The following EIF2S2 variants were observed in gnomAD, a reference collection of about 807,000 sequenced individuals.
EIF2S2 encodes the protein eukaryotic translation initiation factor 2 subunit 2.
Under a neutral mutation model 44.0 loss-of-function variants are expected in EIF2S2, and 4 were observed. That is an observed-to-expected ratio of 0.09 (90% CI 0.04 to 0.21). The LOEUF (loss-of-function observed/expected upper bound fraction) is 0.21, where lower values mean the gene tolerates loss of function less well. EIF2S2 is among the 10% of genes least tolerant of loss of function. The probability of loss-of-function intolerance (pLI) is 1.00; values close to 1 mark genes in which losing one functional copy is unlikely to be tolerated. For missense variants in EIF2S2, 154 were observed against 392.0 expected (o/e 0.39, Z 5.13); for synonymous variants, 108 against 128.3 (o/e 0.84, Z 1.07).
intron 7 of EIF2S2, among the ~76,000 whole-genome samples, chr20:34,091,663 A>G (rs1447133672): frequency 2.7e-5 from 4 of 149,852 alleles, no homozygotes; most frequent in Non-Finnish European, 5.9e-5. Flanking sequence ...GGTTGCAGTG[A>G]GCCAAGATCC....
chr20:34,093,155 G>A (rs938699939), intron 7 of EIF2S2, among the ~76,000 whole-genome samples: 1 of 152,118 alleles, frequency 6.6e-6, no homozygotes, highest in East Asian at 1.9e-4. Context: ...CATTGGCATG[G>A]GGTCCATGAG....
Position 34,105,421 on chromosome 20 carries a change from T to C in EIF2S2, c.140A>G (p.Glu47Gly). 6.2e-7 allele frequency: 1 copy of C among 1,614,098 alleles called. No homozygotes were observed. Among genetic ancestry groups the C allele is most frequent in the Non-Finnish European group, 8.5e-7 (1 of 1,179,936 alleles). ...TTCCAAATCCTTGTCCTCAGTTGGC[T>C]CTGGCTCCACTTCTTTTGTTTCTGA... ...QPSETKEVEP[E>G]PTEDKDLEAD... The change falls in exon 2 of 9, where the codon GAG becomes GGG. Residue 47 changes from glutamate (E) to glycine (G), a missense_variant. Physicochemically the swap from Glu to Gly is moderately conservative, Grantham distance 98. Coordinates refer to ENST00000374980, the MANE Select transcript of EIF2S2 (RefSeq NM_003908.5).
At chr20:34,092,065 A>G (rs1025890412) in intron 7 of EIF2S2, among the ~76,000 whole-genome samples, 1 of 152,242 alleles carries the variant, frequency 6.6e-6, no homozygotes, top group African/African-American at 2.4e-5. Context: ...TATAAATCAT[A>G]AAGTGAAACA....
intron 7 of EIF2S2, among the ~76,000 whole-genome samples, chr20:34,092,046 A>T (rs748477692): frequency 6.6e-5 from 10 of 152,210 alleles, no homozygotes; most frequent in Non-Finnish European, 1.5e-4. Flanking sequence ...ATTATCATTC[A>T]TTCAAAATTA....
At chr20:34,090,778 A>T (rs989545412) in intron 7 of EIF2S2, among the ~76,000 whole-genome samples, 176 bp from the exon 8 acceptor site, 1 of 152,110 alleles carries the variant, frequency 6.6e-6, no homozygotes, top group Middle Eastern at 3.2e-3. Context: ...ACAGGGTCTC[A>T]CACTCTGTCG....
At chr20:34,090,892 G>C (rs1393077897) in intron 7 of EIF2S2, among the ~76,000 whole-genome samples, 3 of 151,970 alleles carry the variant, frequency 2.0e-5, no homozygotes, top group Non-Finnish European at 4.4e-5. Context: ...AGGACTACAG[G>C]CACTCCCCAC....
Position 34,112,119 on chromosome 20 carries a change from C to T in EIF2S2, c.-9G>A. The T allele has an allele frequency of 6.4e-7, 1 of 1,552,356 alleles. No homozygotes were observed. The highest frequency in any genetic ancestry group is 8.7e-7 in the Non-Finnish European group (1 of 1,147,338). ...ACCTCGTCCCCAGACATGGCTGCGG[C>T]TCGAGTGGGCTCGGCACGGACGGGA... On this transcript the variant is annotated 5_prime_UTR_variant, in exon 1 of 9. Transcript: ENST00000374980.
intron 6 of EIF2S2, 95 bp downstream of exon 6, chr20:34,096,562 T>C: frequency 7.8e-7 from 1 of 1,285,474 alleles, no homozygotes; most frequent in Non-Finnish European, 1.1e-6. Context: ...GTTCTTTCCA[T>C]CTATAATAAA....
chr20:34,090,050 C>G (rs574699969), intron 8 of EIF2S2, 145 bp from the exon 9 acceptor site: 7 of 826,104 alleles, frequency 8.5e-6, no homozygotes, highest in Non-Finnish European at 1.3e-5. Flanking sequence ...CGCAGCTATT[C>G]GAGGGGTAAG....
At position 34,112,184 on chromosome 20, in the gene EIF2S2, C is replaced by A. The variant is rs972520236; in HGVS notation, c.-74G>T. On this transcript the variant is annotated 5_prime_UTR_variant, in exon 1 of 9. Transcript: ENST00000374980. Reference sequence around the variant, plus strand: ...GCCCCAGGCCCCGGCGGCAGCGCTGCCCCTGCCGATACCTCTCCCACCACC... The same window carrying A: ...GCCCCAGGCCCCGGCGGCAGCGCTGACCCTGCCGATACCTCTCCCACCACC... The A allele has an allele frequency of 8.2e-6, 12 of 1,461,306 alleles. No individual in the cohort carries two copies. The highest frequency in any genetic ancestry group is 2.6e-5 in the East Asian group (1 of 37,904). 90.5% of individuals were successfully genotyped at this position (1,461,306 alleles called of 1,614,324 possible).
chr20:34,097,654 A>G, intron 4 of EIF2S2, 138 bp from the exon 5 acceptor site: 1 of 647,306 alleles, frequency 1.5e-6, no homozygotes, highest in Non-Finnish European at 2.6e-6. Context: ...CTTAAGCATA[A>G]AGAAACCAAA....
chr20:34,091,591 G>A (rs1015172307), intron 7 of EIF2S2, among the ~76,000 whole-genome samples: 3 of 151,740 alleles, frequency 2.0e-5, no homozygotes, highest in South Asian at 2.1e-4. Context: ...GGTGGTGGGC[G>A]CCTATAGTCC....
At chr20:34,090,008 G>T in intron 8 of EIF2S2, 103 bp from the exon 9 acceptor site, 1 of 1,314,522 alleles carries the variant, frequency 7.6e-7, no homozygotes, top group Non-Finnish European at 1.1e-6. Context: ...AGCCCAGGCT[G>T]AGAATTTAGC....
intron 3 of EIF2S2, among the ~76,000 whole-genome samples, chr20:34,101,295 T>C (rs988580262): frequency 6.6e-6 from 1 of 152,038 alleles, no homozygotes; most frequent in Non-Finnish European, 1.5e-5. Context: ...AATACAAAAA[T>C]AGCCCAGCGT....
chr20:34,089,639 T>A lies in EIF2S2; in HGVS notation c.*91A>T. Reference sequence around the variant, plus strand: ...CAAAAATCTTGGCAGCTTTTTTATCTTGTTTTTAATACAACGGTATATCCA... The same window carrying A: ...CAAAAATCTTGGCAGCTTTTTTATCATGTTTTTAATACAACGGTATATCCA... On this transcript the variant is annotated 3_prime_UTR_variant, in exon 9 of 9. Transcript: ENST00000374980. 1 of 1,431,584 alleles carries A rather than the reference T, an allele frequency of 7.0e-7. No individual in the cohort carries two copies. Among genetic ancestry groups the A allele is most frequent in the South Asian group, 1.4e-5 (1 of 70,098 alleles). The allele number at this position is 1,431,584 out of a possible 1,614,324, so 88.7% of individuals were successfully genotyped here.
rs886856323 is a variant in EIF2S2, at chr20:34,088,771, C to A, written c.*959G>T. The A allele has an allele frequency of 2.0e-5, 3 of 152,294 alleles. No individual in the cohort carries two copies. Among genetic ancestry groups the A allele is most frequent in the African/African-American group, 7.2e-5 (3 of 41,470 alleles). The allele number at this position is 152,294 out of a possible 1,614,324, so 9.4% of individuals were successfully genotyped here. The stretch of plus-strand genomic sequence containing the variant: ...AATCCTCAGGAAGCAGAGCACCACA[C>A]AAGCAGCATTTCTTGGTTTCTCATG... On this transcript the variant is annotated 3_prime_UTR_variant, in exon 9 of 9. Transcript: ENST00000374980.
intron 1 of EIF2S2, 41 bp downstream of exon 1, chr20:34,112,055 C>G: frequency 6.8e-7 from 1 of 1,459,874 alleles, no homozygotes; most frequent in Non-Finnish European, 9.2e-7. Flanking sequence ...TTAGGCTTCT[C>G]GCCTCAATCC....
intron 3 of EIF2S2, among the ~76,000 whole-genome samples, 180 bp downstream of exon 3, chr20:34,103,282 C>T (rs761894726): frequency 6.6e-6 from 1 of 152,126 alleles, no homozygotes; most frequent in African/African-American, 2.4e-5. Context: ...ATTCCTTGAA[C>T]CACAATCCCT....
rs566586880 is a variant in EIF2S2, at chr20:34,112,231, G to T, written c.-121C>A. 3.6e-6 allele frequency: 4 copies of T among 1,123,388 alleles called. No individual in the cohort carries two copies. The African/African-American group carries it at 4.9e-5, about 14-fold the overall frequency. 69.6% of individuals were successfully genotyped at this position (1,123,388 alleles called of 1,614,324 possible). On this transcript the variant is annotated 5_prime_UTR_variant, in exon 1 of 9. Transcript: ENST00000374980. ...CACCGCACTAGGCTCTTGCATCAGC[G>T]AAAGGAAACGACACCCCGCCCTCTC... is the stretch of plus-strand genomic sequence containing the variant.
Sources: gnomAD v4.1 joint callset for allele counts (sites outside exome capture counted in the v4.1 genomes callset) on GRCh38, gnomAD v4.1.1 for gene constraint, MANE v1.5 for transcripts, NCBI Gene and HGNC (gene_info 2026-07-23, HGNC 2026-07-21) for gene names.